The following CLIC5 variants were observed in gnomAD, a reference collection of about 807,000 sequenced individuals.
CLIC5 encodes the protein chloride intracellular channel protein 5.
In CLIC5, 20 loss-of-function variants were observed where a neutral mutation model predicts 24.7. The ratio of observed to expected loss-of-function variants is 0.81; its 90% CI spans 0.57 to 1.18. CLIC5 has a LOEUF of 1.18. CLIC5 is among the 50% of genes most tolerant of loss of function. The probability of loss-of-function intolerance (pLI) is 0.00; values close to 1 mark genes in which losing one functional copy is unlikely to be tolerated. For missense variants in CLIC5, 341 were observed against 326.1 expected, an observed-to-expected ratio of 1.05 and a Z score of -0.35; for synonymous variants, 159 against 135.6, an observed-to-expected ratio of 1.17 and a Z score of -1.20.
chr6:45,924,260 A>G (rs1342888647), intron 4 of CLIC5, among the ~76,000 whole-genome samples: 1 of 152,204 alleles, frequency 6.6e-6, no homozygotes, highest in Non-Finnish European at 1.5e-5. Context: ...CCAGAACCAC[A>G]GTCCCCCAGC....
the CLIC5 span, among the ~76,000 whole-genome samples, chr6:46,105,842 G>T: frequency 2.6e-5 from 4 of 152,180 alleles, no homozygotes; most frequent in African/African-American, 9.7e-5. Context: ...TACAGTTTGG[G>T]AAGTTCTGAC....
chr6:45,984,018 A>AT (rs1441352368), intron 1 of CLIC5, among the ~76,000 whole-genome samples: 1 of 152,174 alleles, frequency 6.6e-6, no homozygotes, highest in Non-Finnish European at 1.5e-5. Flanking sequence ...CAGAAAAACC[A>AT]TTTTTTGAAA....
chr6:45,960,099 C>T (rs1456814425), intron 1 of CLIC5, among the ~76,000 whole-genome samples: 2 of 152,094 alleles, frequency 1.3e-5, no homozygotes, highest in South Asian at 2.1e-4. Context: ...AGCCTCTTAG[C>T]GACCCCAGAA....
chr6:45,960,309 A>G (rs1216428265), intron 1 of CLIC5, among the ~76,000 whole-genome samples: 1 of 152,238 alleles, frequency 6.6e-6, no homozygotes, highest in African/African-American at 2.4e-5. Context: ...ATGACATTGA[A>G]GCTTGATAGA....
intron 1 of CLIC5, among the ~76,000 whole-genome samples, chr6:45,956,743 T>G (rs1764657587): frequency 6.6e-6 from 1 of 152,204 alleles, no homozygotes; most frequent in South Asian, 2.1e-4. Context: ...ACCTCCCTCT[T>G]AACTACACCA....
chr6:45,882,093 C>T (rs945035963), intron 6 of CLIC5, among the ~76,000 whole-genome samples: 1 of 152,184 alleles, frequency 6.6e-6, no homozygotes, highest in East Asian at 1.9e-4. Context: ...GTGTTAGCCT[C>T]ACAGGATCAA....
At chr6:45,903,736 G>A (rs1466705081) in intron 5 of CLIC5, among the ~76,000 whole-genome samples, 2 of 152,144 alleles carry the variant, frequency 1.3e-5, no homozygotes, top group Admixed American at 6.5e-5. Flanking sequence ...CAAGTATAAT[G>A]CATTTGGAGA....
chr6:46,105,853 A>G, the CLIC5 span, among the ~76,000 whole-genome samples: 1 of 151,898 alleles, frequency 6.6e-6, no homozygotes, highest in Non-Finnish European at 1.5e-5. Flanking sequence ...AAGTTCTGAC[A>G]GTGATTGCAA....
intron 1 of CLIC5, among the ~76,000 whole-genome samples, chr6:45,984,650 C>T (rs1449062496): frequency 2.0e-5 from 3 of 152,194 alleles, no homozygotes; most frequent in Non-Finnish European, 4.4e-5. Context: ...GCAAGGCTTT[C>T]ATGGTCTTCT....
intron 1 of CLIC5, among the ~76,000 whole-genome samples, chr6:45,968,745 A>T (rs963459189): frequency 2.0e-5 from 3 of 152,200 alleles, no homozygotes; most frequent in African/African-American, 7.2e-5. Flanking sequence ...AGTGCTATGA[A>T]TTTGTAATAG....
intron 5 of CLIC5, among the ~76,000 whole-genome samples, chr6:45,903,768 T>C (rs1762574143): frequency 6.6e-6 from 1 of 152,208 alleles, no homozygotes; most frequent in South Asian, 2.1e-4. Context: ...TGGCTAGATG[T>C]CTATATACCT....
chr6:45,949,137 G>A (rs748457124), intron 3 of CLIC5, 119 bp downstream of exon 3: 4 of 1,337,602 alleles, frequency 3.0e-6, no homozygotes, highest in Non-Finnish European at 4.0e-6. Context: ...AAAGGGTCCT[G>A]TTCTCTGGAC....
Position 46,079,816 on chromosome 6 carries a change from T to C in CLIC5, c.427A>G (p.Ile143Val), listed in dbSNP as rs1324492618. ...GTAGAGAAGGCCTTACTGTGCTGAA[T>C]GGTGAAGCTTGAAGGAGAAGGCAGA... Residue 143 changes from isoleucine (I) to valine (V), a missense_variant, in exon 1 of 6, where the codon ATT becomes GTT. Ile to Val is a conservative substitution (Grantham distance 29). Coordinates refer to the CLIC5 transcript ENST00000185206. The C allele has an allele frequency of 1.9e-6, 3 of 1,552,112 alleles. No individual in the cohort carries two copies. The East Asian group carries it at 7.3e-5, about 38-fold the overall frequency.
chr6:45,974,522 TAGAGAGAGAGAG>T (rs58729329), intron 1 of CLIC5, among the ~76,000 whole-genome samples: 960 of 65,942 alleles, frequency 0.015, 14 homozygotes, highest in African/African-American at 0.033. Flanking sequence ...TATATATATA[TAGAGAGAGAGAG>T]AGAGAGAGAG....
intron 1 of CLIC5, among the ~76,000 whole-genome samples, chr6:46,075,993 G>A (rs1311048009): frequency 3.3e-5 from 5 of 152,102 alleles, no homozygotes; most frequent in South Asian, 2.1e-4. Context: ...TCACAGTAAC[G>A]CACCCTCATC....
intron 4 of CLIC5, among the ~76,000 whole-genome samples, chr6:45,925,214 G>A (rs10807328): frequency 0.31 from 46,466 of 151,826 alleles, 7,276 homozygotes; most frequent in East Asian, 0.48. Context: ...TAAAATACAT[G>A]TTTGCTTTAG....
At chr6:45,984,540 T>C (rs1010033016) in intron 1 of CLIC5, among the ~76,000 whole-genome samples, 3 of 152,142 alleles carry the variant, frequency 2.0e-5, no homozygotes, top group Non-Finnish European at 4.4e-5. Flanking sequence ...TGTTTTGAGG[T>C]TCTAGGTAAT....
intron 4 of CLIC5, among the ~76,000 whole-genome samples, chr6:45,919,494 C>T (rs565898097): frequency 3.5e-4 from 53 of 152,220 alleles, no homozygotes; most frequent in African/African-American, 1.2e-3. Flanking sequence ...CCCTCCCCCC[C>T]ACCACCTCTC....
Position 45,938,961 on chromosome 6 carries a change from T to G in CLIC5, c.406+2586A>C, listed in dbSNP as rs1054683336. Reference sequence around the variant, plus strand: ...GCCGGGAAAGCAGCAATGACTCTTCTTTCCCACAATGGCTCTGAGGGGCCA... The same window carrying G: ...GCCGGGAAAGCAGCAATGACTCTTCGTTCCCACAATGGCTCTGAGGGGCCA... On this transcript the variant is annotated intron_variant, in intron 4 of 5. Transcript: ENST00000339561. 2.0e-5 allele frequency among the ~76,000 whole-genome samples: 3 copies of G among 152,158 alleles called. No homozygotes were observed. In the South Asian group the frequency reaches 6.2e-4, roughly 31 times the overall value.
Sources: allele counts gnomAD v4.1 joint callset (sites outside exome capture counted in the v4.1 genomes callset), GRCh38; gene constraint gnomAD v4.1.1; transcripts MANE v1.5; gene names NCBI Gene and HGNC (gene_info 2026-07-23, HGNC 2026-07-21).